DSCAM: variants seen among roughly 807,000 people sequenced by gnomAD.
The protein encoded by DSCAM is cell adhesion molecule DSCAM.
A neutral mutation model predicts 217.7 loss-of-function variants in DSCAM; 47 were observed. The ratio of observed to expected loss-of-function variants is 0.22; its 90% CI spans 0.17 to 0.28. The LOEUF is 0.28. Ranked by LOEUF, DSCAM falls within the 10% of genes least tolerant of loss-of-function variation. The probability of loss-of-function intolerance (pLI) is 1.00; values close to 1 mark genes in which losing one functional copy is unlikely to be tolerated. For missense variants in DSCAM, 2,080 were observed against 2,618.3 expected (o/e 0.79, Z 4.49); for synonymous variants, 1,056 against 1,015.3 (o/e 1.04, Z -0.76).
intron 3 of DSCAM, among the ~76,000 whole-genome samples, chr21:40,453,040 T>TTGTGTGTG (rs3069917): frequency 0.019 from 2,486 of 134,354 alleles, 33 homozygotes; most frequent in East Asian, 0.034. Flanking sequence ...TTTAAAGACT[T>TTGTGTGTG]TGTGTGTGTG....
At chr21:40,688,557 T>C (rs1484042897) in intron 3 of DSCAM, among the ~76,000 whole-genome samples, 1 of 152,222 alleles carries the variant, frequency 6.6e-6, no homozygotes, top group East Asian at 1.9e-4. Flanking sequence ...AAAATCCACA[T>C]AGACATCATG....
At chr21:40,620,476 A>C (rs2089496207) in intron 3 of DSCAM, among the ~76,000 whole-genome samples, 1 of 140,074 alleles carries the variant, frequency 7.1e-6, no homozygotes, top group Admixed American at 7.4e-5. Flanking sequence ...GGAAGGAAAA[A>C]GGGAAGGGAA....
chr21:40,248,601 A>G (rs2073259500), intron 11 of DSCAM, among the ~76,000 whole-genome samples: 1 of 152,146 alleles, frequency 6.6e-6, no homozygotes, highest in East Asian at 1.9e-4. Flanking sequence ...CACTATCAGC[A>G]TTTTGGGCAA....
chr21:40,567,455 A>G (rs2076773258), intron 3 of DSCAM, among the ~76,000 whole-genome samples: 1 of 152,272 alleles, frequency 6.6e-6, no homozygotes, highest in Non-Finnish European at 1.5e-5. Flanking sequence ...GCTCTAGAAG[A>G]CAATGGACAT....
intron 3 of DSCAM, among the ~76,000 whole-genome samples, chr21:40,532,935 T>C (rs73214132): frequency 0.29 from 43,498 of 151,144 alleles, 8,195 homozygotes; most frequent in African/African-American, 0.52. Flanking sequence ...TGTGCGCATA[T>C]GTGCTTTTGG....
intron 3 of DSCAM, among the ~76,000 whole-genome samples, chr21:40,592,748 C>T (rs1379349249): frequency 6.6e-6 from 1 of 152,168 alleles, no homozygotes; most frequent in Non-Finnish European, 1.5e-5. Flanking sequence ...TACAGCATCA[C>T]TCTGGGTTAT....
intron 3 of DSCAM, among the ~76,000 whole-genome samples, chr21:40,503,925 T>C (rs1164707216): frequency 6.6e-6 from 1 of 152,198 alleles, no homozygotes; most frequent in Admixed American, 6.5e-5. Flanking sequence ...GGGTTATCAT[T>C]GTAGTTGGTC....
chr21:40,632,225 C>T (rs906378989), intron 3 of DSCAM, among the ~76,000 whole-genome samples: 1 of 151,942 alleles, frequency 6.6e-6, no homozygotes, highest in Admixed American at 6.6e-5. Context: ...TAAAACTACC[C>T]CCAAGACAAA....
chr21:40,671,767 T>C (rs927112623), intron 3 of DSCAM, among the ~76,000 whole-genome samples: 1 of 149,906 alleles, frequency 6.7e-6, no homozygotes, highest in South Asian at 2.1e-4. Context: ...TGAACTGACA[T>C]TAGACTACAT....
At chr21:40,704,390 T>C (rs934568178) in intron 2 of DSCAM, among the ~76,000 whole-genome samples, 1 of 152,200 alleles carries the variant, frequency 6.6e-6, no homozygotes, top group African/African-American at 2.4e-5. Context: ...TGACTAATAC[T>C]TCATTTTATA....
intron 32 of DSCAM, among the ~76,000 whole-genome samples, chr21:40,028,584 A>G (rs989197670): frequency 3.9e-5 from 6 of 152,150 alleles, no homozygotes; most frequent in Non-Finnish European, 1.5e-5. Context: ...AGAAAAGCAC[A>G]GTATTCGGGT....
chr21:40,600,121 G>A (rs926630440), intron 3 of DSCAM, among the ~76,000 whole-genome samples: 14 of 152,192 alleles, frequency 9.2e-5, no homozygotes, highest in African/African-American at 3.4e-4. Flanking sequence ...ATCATCTCCT[G>A]ATACCAAAAC....
intron 11 of DSCAM, among the ~76,000 whole-genome samples, chr21:40,222,089 TGA>T (rs1375308474): frequency 6.6e-6 from 1 of 152,220 alleles, no homozygotes; most frequent in Non-Finnish European, 1.5e-5. Flanking sequence ...GGGAAACAAC[TGA>T]GAGTGTTTGT....
intron 1 of DSCAM, among the ~76,000 whole-genome samples, chr21:40,779,521 C>T (rs1017413743): frequency 1.3e-5 from 2 of 152,148 alleles, no homozygotes; most frequent in African/African-American, 4.8e-5. Context: ...TTCCAGTTTA[C>T]AATAGGGAAT....
chr21:40,065,399 A>C (rs1011207696), intron 27 of DSCAM, among the ~76,000 whole-genome samples: 4 of 152,154 alleles, frequency 2.6e-5, no homozygotes, highest in Non-Finnish European at 4.4e-5. Flanking sequence ...CATCTGGGAC[A>C]CACTTTTGTT....
intron 11 of DSCAM, among the ~76,000 whole-genome samples, chr21:40,251,407 A>G (rs543035449): frequency 1.3e-5 from 2 of 151,802 alleles, no homozygotes; most frequent in East Asian, 3.9e-4. Flanking sequence ...TTTTTTTGTG[A>G]GGGAGGGTTT....
Position 40,837,587 on chromosome 21 carries a change from A to G in DSCAM, c.43+9032T>C, listed in dbSNP as rs146193831. Among the ~76,000 whole-genome samples the G allele has an allele frequency of 1.6e-4, 25 of 152,364 alleles. 1 individual carries two copies. The East Asian group carries it at 4.8e-3, about 29-fold the overall frequency. On this transcript the variant is annotated intron_variant, in intron 1 of 32. Coordinates refer to ENST00000400454, the MANE Select transcript of DSCAM (RefSeq NM_001389.5). ...CTACCCACATTCTGCTGTCACGTTA[A>G]GGACCCGGATAGAGGTTGCTAACTT...
chr21:40,732,340 A>G (rs1294052694), intron 1 of DSCAM, among the ~76,000 whole-genome samples: 1 of 152,250 alleles, frequency 6.6e-6, no homozygotes, highest in African/African-American at 2.4e-5. Flanking sequence ...GAACTGCCCA[A>G]CATTGAACAT....
intron 11 of DSCAM, among the ~76,000 whole-genome samples, chr21:40,267,717 T>C (rs1320172838): frequency 6.6e-6 from 1 of 152,066 alleles, no homozygotes; most frequent in Non-Finnish European, 1.5e-5. Flanking sequence ...GCCAACATGC[T>C]GAAACCCCAT....
Sources: allele counts gnomAD v4.1 joint callset (sites outside exome capture counted in the v4.1 genomes callset), GRCh38; gene constraint gnomAD v4.1.1; transcripts MANE v1.5; gene names NCBI Gene and HGNC (gene_info 2026-07-23, HGNC 2026-07-21).